Variants in PCGF6 observed in about 807,000 individuals in gnomAD.
The protein encoded by PCGF6 is polycomb group ring finger 6, also known as polycomb group RING finger protein 6.
In PCGF6, 24 loss-of-function variants were observed where a neutral mutation model predicts 45.5. The ratio of observed to expected loss-of-function variants is 0.53; its 90% CI spans 0.38 to 0.74. The LOEUF is 0.74. Ranked by LOEUF, PCGF6 falls within the 30% of genes least tolerant of loss-of-function variation. The probability of loss-of-function intolerance (pLI) is 0.00; values close to 1 mark genes in which losing one functional copy is unlikely to be tolerated. For synonymous variants in PCGF6, 152 were observed against 162.1 expected (o/e 0.94, Z 0.47); for missense variants, 356 against 443.2 (o/e 0.80, Z 1.77).
chr10:103,314,297 A>G (rs1375969914), intron 8 of PCGF6, 25 bp from the exon 9 acceptor site: 1 of 1,386,938 alleles, frequency 7.2e-7, no homozygotes. Context: ...AGAGTATTAG[A>G]TTGATTTCTT....
At chr10:103,335,511 C>T (rs1483427228) in intron 6 of PCGF6, among the ~76,000 whole-genome samples, 1 of 152,054 alleles carries the variant, frequency 6.6e-6, no homozygotes, top group African/African-American at 2.4e-5. Flanking sequence ...TACAGGCACC[C>T]ACCACCACAC....
intron 9 of PCGF6, among the ~76,000 whole-genome samples, chr10:103,305,375 A>C (rs1333752691): frequency 6.6e-6 from 1 of 151,822 alleles, no homozygotes; most frequent in Non-Finnish European, 1.5e-5. Context: ...GGTTCAAGCG[A>C]TTCTCCTGCC....
intron 9 of PCGF6, among the ~76,000 whole-genome samples, chr10:103,309,682 G>C (rs2133554660): frequency 6.6e-6 from 1 of 152,220 alleles, no homozygotes; most frequent in South Asian, 2.1e-4. Flanking sequence ...TATAATCCCA[G>C]CACTTTGGGA....
intron 8 of PCGF6, 72 bp downstream of exon 8, chr10:103,326,462 C>A: frequency 1.2e-6 from 1 of 827,244 alleles, no homozygotes; most frequent in South Asian, 2.2e-5. Context: ...TGAAATCCTA[C>A]AGAGTTCTTT....
intron 6 of PCGF6, among the ~76,000 whole-genome samples, chr10:103,336,799 C>T (rs1234315607): frequency 1.3e-5 from 2 of 152,108 alleles, no homozygotes; most frequent in East Asian, 1.9e-4. Context: ...CACTTGAACC[C>T]GGGAGGCGGA....
At chr10:103,315,198 T>TC (rs2093170467) in intron 8 of PCGF6, among the ~76,000 whole-genome samples, 1 of 151,882 alleles carries the variant, frequency 6.6e-6, no homozygotes, top group South Asian at 2.1e-4. Context: ...ATCTTTTTAT[T>TC]CCCCCCAGAC....
chr10:103,340,911 A>C (rs1246414726), intron 6 of PCGF6, among the ~76,000 whole-genome samples: 3 of 152,096 alleles, frequency 2.0e-5, no homozygotes, highest in African/African-American at 7.2e-5. Flanking sequence ...CCCTCAAAAT[A>C]ATTTTTTAAA....
At chr10:103,329,831 T>A (rs1282680279) in intron 7 of PCGF6, among the ~76,000 whole-genome samples, 1 of 150,844 alleles carries the variant, frequency 6.6e-6, no homozygotes, top group African/African-American at 2.5e-5. Context: ...TGGGCTGCAG[T>A]GCAGTGGCAC....
chr10:103,316,655 A>G (rs994939071), intron 8 of PCGF6, among the ~76,000 whole-genome samples: 1 of 152,164 alleles, frequency 6.6e-6, no homozygotes, highest in Non-Finnish European at 1.5e-5. Flanking sequence ...AGGGCCAAAT[A>G]ATAAATGCCT....
intron 8 of PCGF6, among the ~76,000 whole-genome samples, chr10:103,316,167 C>T (rs2093175728): frequency 6.6e-6 from 1 of 152,100 alleles, no homozygotes; most frequent in South Asian, 2.1e-4. Flanking sequence ...TTTCTTCTTA[C>T]ATGCAATCAA....
rs533135917 is a variant in PCGF6 at position 103,318,844 on chromosome 10, A to C, written c.910-4572T>G. Among the ~76,000 whole-genome samples, 21 of 152,322 alleles carry C rather than the reference A, an allele frequency of 1.4e-4. No individual in the cohort carries two copies. The East Asian group carries it at 3.1e-3, about 22-fold the overall frequency. On this transcript the variant is annotated intron_variant, in intron 8 of 9. Coordinates refer to ENST00000369847, the MANE Select transcript of PCGF6 (RefSeq NM_001011663.2). ...AGAAAACTTTTCACATTAGTGTAGGAAACTTTTTGCAGGCCTAGTTCCTCG... is the reference window on the plus strand; with the variant it reads ...AGAAAACTTTTCACATTAGTGTAGGCAACTTTTTGCAGGCCTAGTTCCTCG...
intron 6 of PCGF6, among the ~76,000 whole-genome samples, chr10:103,334,776 A>C (rs920700296): frequency 5.9e-5 from 9 of 152,192 alleles, no homozygotes; most frequent in Non-Finnish European, 8.8e-5. Flanking sequence ...AGAAAGTACT[A>C]TGTGCCAGGC....
intron 8 of PCGF6, 83 bp downstream of exon 8, chr10:103,326,451 A>G (rs2093218970): frequency 6.3e-6 from 5 of 799,832 alleles, no homozygotes; most frequent in Non-Finnish European, 1.9e-6. Flanking sequence ...AAATAATTGC[A>G]TGAAATCCTA....
chr10:103,306,201 G>C (rs2093137910), intron 9 of PCGF6, among the ~76,000 whole-genome samples: 1 of 151,648 alleles, frequency 6.6e-6, no homozygotes, highest in Non-Finnish European at 1.5e-5. Flanking sequence ...GGGTTCAAGC[G>C]ATTCTCCTGC....
intron 6 of PCGF6, among the ~76,000 whole-genome samples, chr10:103,338,544 C>CA (rs369499715): frequency 0.32 from 34,642 of 107,142 alleles, 5,232 homozygotes; most frequent in South Asian, 0.54. Context: ...GACTCCATCT[C>CA]AAAAAAAAAA....
intron 8 of PCGF6, among the ~76,000 whole-genome samples, chr10:103,320,786 G>A (rs565109737): frequency 7.9e-5 from 12 of 152,138 alleles, no homozygotes; most frequent in Non-Finnish European, 1.3e-4. Flanking sequence ...ACAGTCCCGT[G>A]GGAATTACTC....
chr10:103,304,263 A>G (rs1343148532), intron 9 of PCGF6, among the ~76,000 whole-genome samples: 2 of 151,794 alleles, frequency 1.3e-5, no homozygotes. Context: ...CAGCCTCCCA[A>G]GTAGCTGGGA....
chr10:103,322,403 G>A (rs573320425), intron 8 of PCGF6, among the ~76,000 whole-genome samples: 1 of 151,886 alleles, frequency 6.6e-6, no homozygotes, highest in African/African-American at 2.4e-5. Context: ...CTGGGGTTTC[G>A]CTATGTTGCC....
intron 9 of PCGF6, among the ~76,000 whole-genome samples, chr10:103,308,102 G>C (rs2093144107): frequency 6.6e-6 from 1 of 152,064 alleles, no homozygotes; most frequent in Admixed American, 6.6e-5. Context: ...ACCTCTACTA[G>C]GGCAGTGCGG....
Sources: gnomAD v4.1 joint callset for allele counts (sites outside exome capture counted in the v4.1 genomes callset) on GRCh38, gnomAD v4.1.1 for gene constraint, MANE v1.5 for transcripts, NCBI Gene and HGNC (gene_info 2026-07-23, HGNC 2026-07-21) for gene names.